Variants in ZFAND3 observed in about 807,000 individuals in gnomAD.
The protein encoded by ZFAND3 is zinc finger AN1-type containing 3, also known as AN1-type zinc finger protein 3.
Under a neutral mutation model 29.6 loss-of-function variants are expected in ZFAND3, and 10 were observed. That is an observed-to-expected ratio of 0.34 (90% CI 0.21 to 0.57). The LOEUF is 0.57. Among genes scored for constraint, ZFAND3 ranks in the 20% least tolerant of loss-of-function variants. The pLI is 0.86. For synonymous variants in ZFAND3, 128 were observed against 112.6 expected (o/e 1.14, Z -0.87); for missense variants, 230 against 304.5 (o/e 0.76, Z 1.82).
intron 2 of ZFAND3, among the ~76,000 whole-genome samples, chr6:37,965,192 G>T (rs1236783115): frequency 1.3e-5 from 2 of 152,090 alleles, no homozygotes; most frequent in Non-Finnish European, 2.9e-5. Flanking sequence ...AACTTATTCT[G>T]TCAAGTTATT....
intron 2 of ZFAND3, among the ~76,000 whole-genome samples, chr6:37,944,936 T>C (rs868561257): frequency 2.0e-5 from 3 of 152,214 alleles, no homozygotes; most frequent in South Asian, 4.1e-4. Context: ...GGCTTCTATC[T>C]GTATGGGTTT....
At chr6:38,062,393 T>G (rs1764258751) in intron 3 of ZFAND3, 1 of 146,642 alleles carries the variant, frequency 6.8e-6, no homozygotes, top group Non-Finnish European at 1.5e-5. Context: ...CTTAATTTCT[T>G]TTTTTTTTTT....
chr6:37,959,573 A>G (rs763251128), intron 2 of ZFAND3, among the ~76,000 whole-genome samples: 10 of 152,302 alleles, frequency 6.6e-5, no homozygotes, highest in Admixed American at 2.0e-4. Flanking sequence ...ATGTATAGAA[A>G]TGGTAATGAT....
chr6:37,961,219 C>T (rs1342424617), intron 2 of ZFAND3, among the ~76,000 whole-genome samples: 1 of 152,198 alleles, frequency 6.6e-6, no homozygotes, highest in African/African-American at 2.4e-5. Flanking sequence ...TTGGGCAGTA[C>T]TCCCTGTGGG....
chr6:38,144,172 A>AATTTTTTTTTTTTTT (rs1562015579), intron 5 of ZFAND3, among the ~76,000 whole-genome samples: 1 of 32,670 alleles, frequency 3.1e-5, no homozygotes, highest in Non-Finnish European at 5.7e-5. Context: ...GAAAAATGTG[A>AATTTTTTTTTTTTTT]TATATATATA....
chr6:38,029,853 A>G (rs1052722754), intron 2 of ZFAND3, among the ~76,000 whole-genome samples: 1 of 152,190 alleles, frequency 6.6e-6, no homozygotes, highest in East Asian at 1.9e-4. Flanking sequence ...CACACAAAAC[A>G]TTGCTACTAT....
At chr6:37,925,575 G>T (rs1761468386) in intron 1 of ZFAND3, among the ~76,000 whole-genome samples, 1 of 151,934 alleles carries the variant, frequency 6.6e-6, no homozygotes, top group Non-Finnish European at 1.5e-5. Context: ...GTGGTGGCGG[G>T]CGCCTGTAAT....
At chr6:37,910,104 A>G (rs1765493115) in intron 1 of ZFAND3, among the ~76,000 whole-genome samples, 1 of 152,240 alleles carries the variant, frequency 6.6e-6, no homozygotes, top group Non-Finnish European at 1.5e-5. Flanking sequence ...CACACAAATA[A>G]TACATAGTCT....
chr6:38,103,316 A>G (rs1261139030), intron 4 of ZFAND3, among the ~76,000 whole-genome samples: 2 of 151,602 alleles, frequency 1.3e-5, no homozygotes, highest in African/African-American at 4.9e-5. Flanking sequence ...TTAACCGTAT[A>G]TGAAAATAAA....
intron 1 of ZFAND3, among the ~76,000 whole-genome samples, chr6:37,865,318 A>G (rs35248825): frequency 0.13 from 19,873 of 152,242 alleles, 2,112 homozygotes; most frequent in African/African-American, 0.3. Flanking sequence ...TGTTTTGTTT[A>G]GGGAATAATG....
chr6:38,074,466 A>T (rs898328986), intron 3 of ZFAND3, among the ~76,000 whole-genome samples: 3 of 152,218 alleles, frequency 2.0e-5, no homozygotes, highest in Non-Finnish European at 4.4e-5. Flanking sequence ...TTTAAGCTTT[A>T]AAAGTTCTCA....
intron 2 of ZFAND3, among the ~76,000 whole-genome samples, chr6:38,019,462 G>A (rs1315667067): frequency 6.6e-6 from 1 of 151,942 alleles, no homozygotes; most frequent in Non-Finnish European, 1.5e-5. Context: ...TCTATACTGT[G>A]TGTTGCAAAT....
chr6:38,081,092 G>A (rs1395035369), intron 3 of ZFAND3, among the ~76,000 whole-genome samples: 1 of 151,684 alleles, frequency 6.6e-6, no homozygotes, highest in Admixed American at 6.6e-5. Context: ...TTTGGCACTC[G>A]GCCACTTTCT....
At chr6:37,821,870 G>A (rs751065915) in intron 1 of ZFAND3, among the ~76,000 whole-genome samples, 16 of 152,218 alleles carry the variant, frequency 1.1e-4, no homozygotes, top group Non-Finnish European at 1.9e-4. Flanking sequence ...GCCCTGCTCT[G>A]TTGCCCAGGC....
intron 5 of ZFAND3, among the ~76,000 whole-genome samples, chr6:38,144,543 G>A (rs910613029): frequency 5.9e-5 from 9 of 152,322 alleles, no homozygotes; most frequent in Admixed American, 4.6e-4. Context: ...GTGCCTCTGC[G>A]CAGACAGCAG....
intron 2 of ZFAND3, among the ~76,000 whole-genome samples, chr6:37,973,233 G>A (rs1762420974): frequency 6.6e-6 from 1 of 152,054 alleles, no homozygotes; most frequent in South Asian, 2.1e-4. Context: ...TACACCCAAG[G>A]TAAAGGAAAT....
chr6:38,113,671 A>G (rs751510809), intron 4 of ZFAND3, among the ~76,000 whole-genome samples: 19 of 152,242 alleles, frequency 1.2e-4, no homozygotes, highest in Non-Finnish European at 2.2e-4. Context: ...TATGAATTCT[A>G]TTTCTCAGCC....
chr6:38,020,768 G>A (rs749015866), intron 2 of ZFAND3, among the ~76,000 whole-genome samples: 1 of 152,122 alleles, frequency 6.6e-6, no homozygotes, highest in African/African-American at 2.4e-5. Flanking sequence ...GCTGATGACC[G>A]TGGTGTTTGT....
At position 37,980,285 on chromosome 6, in the gene ZFAND3, G is replaced by T. The variant is rs145140794; in HGVS notation, c.112+50286G>T. 3.5e-4 allele frequency among the ~76,000 whole-genome samples: 53 copies of T among 152,190 alleles called. 2 individuals carry two copies. The East Asian group carries it at 9.8e-3, about 28-fold the overall frequency. On this transcript the variant is annotated intron_variant, in intron 2 of 5. Transcript: ENST00000287218. Reference sequence around the variant, plus strand: ...CCCTGTTAACCTGCCTCGCTTGGATGTAGTTGTTTTTAATGTACATTTTGT... The same window carrying T: ...CCCTGTTAACCTGCCTCGCTTGGATTTAGTTGTTTTTAATGTACATTTTGT...
Sources: allele counts gnomAD v4.1 joint callset (sites outside exome capture counted in the v4.1 genomes callset), GRCh38; gene constraint gnomAD v4.1.1; transcripts MANE v1.5; gene names NCBI Gene and HGNC (gene_info 2026-07-23, HGNC 2026-07-21).